AGPAT3: variants seen among roughly 807,000 people sequenced by gnomAD.
AGPAT3 encodes 1-acylglycerol-3-phosphate O-acyltransferase 3.
A neutral mutation model predicts 47.3 loss-of-function variants in AGPAT3; 5 were observed. That is an observed-to-expected ratio of 0.11 (90% CI 0.06 to 0.22). AGPAT3 has a LOEUF of 0.22. Among genes scored for constraint, AGPAT3 ranks in the 10% least tolerant of loss-of-function variants. The pLI is 1.00. For missense variants in AGPAT3, 315 were observed against 493.0 expected (o/e 0.64, Z 3.42); for synonymous variants, 212 against 208.3 (o/e 1.02, Z -0.15).
At chr21:43,973,310 G>A (rs572019747) in intron 7 of AGPAT3, among the ~76,000 whole-genome samples, 7 of 152,238 alleles carry the variant, frequency 4.6e-5, no homozygotes, top group African/African-American at 9.6e-5. Flanking sequence ...GGACGGTCCA[G>A]ATGGCAGGCT....
chr21:43,946,204 T>C (rs2087880112), intron 2 of AGPAT3, among the ~76,000 whole-genome samples: 1 of 152,252 alleles, frequency 6.6e-6, no homozygotes, highest in African/African-American at 2.4e-5. Context: ...ACGGTTTGTC[T>C]GGCTTTATTC....
rs1483811138 is a variant in AGPAT3, at chr21:43,987,260, G to C, written c.*4868G>C. ...CCACCTTCAGAGCCCACTCCCACGG[G>C]CTCTGTTTCCTTGGAGGCCATCCTG... On this transcript the variant is annotated 3_prime_UTR_variant, in exon 10 of 10. Coordinates refer to ENST00000291572, the MANE Select transcript of AGPAT3 (RefSeq NM_020132.5). Among the ~76,000 whole-genome samples, 1 of 152,184 alleles carries C rather than the reference G, an allele frequency of 6.6e-6. No individual in the cohort carries two copies. Among genetic ancestry groups the C allele is most frequent in the African/African-American group, 2.4e-5 (1 of 41,452 alleles).
Position 43,982,511 on chromosome 21 carries a change from A to G in AGPAT3, c.*119A>G. 1 of 714,972 alleles carries G rather than the reference A, an allele frequency of 1.4e-6. No homozygotes were observed. The highest frequency in any genetic ancestry group is 2.3e-6 in the Non-Finnish European group (1 of 436,294). The allele number at this position is 714,972 out of a possible 1,614,324, so 44.3% of individuals were successfully genotyped here. A position where few individuals can be genotyped will look rare whatever the true frequency, so the allele number is the denominator to read the frequency against. Reference sequence around the variant, plus strand: ...TATTTTTCTTATTAACTGGTGACTAATATTAACAAAACTTGAGCCAAGAGT... The same window carrying G: ...TATTTTTCTTATTAACTGGTGACTAGTATTAACAAAACTTGAGCCAAGAGT... On this transcript the variant is annotated 3_prime_UTR_variant, in exon 10 of 10. Coordinates refer to ENST00000291572, the MANE Select transcript of AGPAT3 (RefSeq NM_020132.5). The surrounding 1 kb of genome is among the most constrained non-coding windows in gnomAD (Gnocchi z 6.2).
rs1398287739 is a variant in AGPAT3 at position 43,955,114 on chromosome 21, A to G, written c.-48-4520A>G. On this transcript the variant is annotated intron_variant, in intron 2 of 9. Transcript: ENST00000291572. The surrounding 1 kb of genome is among the most constrained non-coding windows in gnomAD (Gnocchi z 4.1). ...GGGAGCGTATCACCGTGGCACGTCCATGCCGTGGGGGTCACTCAGCAGCCA... is the reference window on the plus strand; with the variant it reads ...GGGAGCGTATCACCGTGGCACGTCCGTGCCGTGGGGGTCACTCAGCAGCCA... 15 of 1,273,966 alleles carry G rather than the reference A, an allele frequency of 1.2e-5. No individual in the cohort carries two copies. In the East Asian group the frequency reaches 5.3e-4, roughly 45 times the overall value. 78.9% of individuals were successfully genotyped at this position (1,273,966 alleles called of 1,614,324 possible).
intron 3 of AGPAT3, among the ~76,000 whole-genome samples, chr21:43,962,481 A>T (rs533269672): frequency 3.3e-5 from 5 of 152,246 alleles, no homozygotes; most frequent in Admixed American, 2.0e-4. Context: ...CCTACTTTCT[A>T]GCAGTATTCT....
chr21:43,964,703 T>C (rs2089040707), intron 3 of AGPAT3, among the ~76,000 whole-genome samples: 1 of 152,182 alleles, frequency 6.6e-6, no homozygotes, highest in Non-Finnish European at 1.5e-5. Flanking sequence ...TGACCACAAA[T>C]ACACAAGAAA....
intron 2 of AGPAT3, among the ~76,000 whole-genome samples, chr21:43,917,804 G>GGTTGTGTTGTGGGT (rs2086768692): frequency 1.7e-5 from 2 of 120,184 alleles, no homozygotes; most frequent in South Asian, 5.4e-4. Flanking sequence ...GTATTGTGGG[G>GGTTGTGTTGTGGGT]GTTGTGTTGT....
At chr21:43,973,270 A>G (rs549283377) in intron 7 of AGPAT3, among the ~76,000 whole-genome samples, 1 of 152,340 alleles carries the variant, frequency 6.6e-6, no homozygotes, top group African/African-American at 2.4e-5. Flanking sequence ...ACTGTGGACC[A>G]TGGAGGCTGC....
intron 2 of AGPAT3, among the ~76,000 whole-genome samples, chr21:43,925,690 C>T (rs930288425): frequency 2.6e-5 from 4 of 152,350 alleles, no homozygotes; most frequent in African/African-American, 4.8e-5. Flanking sequence ...CTTGTAGCCC[C>T]GTGGCTTGTT....
intron 3 of AGPAT3, among the ~76,000 whole-genome samples, chr21:43,961,374 G>A (rs376821446): frequency 2.7e-5 from 4 of 149,452 alleles, no homozygotes; most frequent in African/African-American, 7.4e-5. Flanking sequence ...TTTGTCTCAC[G>A]TGAGAAATGG....
chr21:43,957,548 TC>T (rs1432975250), intron 2 of AGPAT3, among the ~76,000 whole-genome samples: 1 of 138,682 alleles, frequency 7.2e-6, no homozygotes, highest in Non-Finnish European at 1.5e-5. Context: ...GTCTCGGGTT[TC>T]CCCCTCCACA....
In AGPAT3 at chr21:43,922,695, A is replaced by G. The variant is rs1029463504; in HGVS notation, c.-49+18676A>G. On this transcript the variant is annotated intron_variant, in intron 2 of 9. Coordinates refer to ENST00000291572, the MANE Select transcript of AGPAT3 (RefSeq NM_020132.5). This position sits in a 1 kb window ranked among gnomAD's most constrained non-coding sequence, Gnocchi z 4.9. ...GCTCTGGGCTTCCATGGGGTCTCCC[A>G]GCTCAGGGGCTGTGGCTCAGGAGCC... 2.6e-5 allele frequency among the ~76,000 whole-genome samples: 4 copies of G among 151,860 alleles called. No homozygotes were observed. Among genetic ancestry groups the G allele is most frequent in the Non-Finnish European group, 4.4e-5 (3 of 68,002 alleles).
chr21:43,948,877 T>C (rs1345870205), intron 2 of AGPAT3, among the ~76,000 whole-genome samples: 1 of 151,934 alleles, frequency 6.6e-6, no homozygotes, highest in Non-Finnish European at 1.5e-5. Context: ...CCCCAAACAG[T>C]GGCTGCAGAT....
At chr21:43,905,154 AATATT>A (rs1365506989) in intron 2 of AGPAT3, among the ~76,000 whole-genome samples, 21 of 115,208 alleles carry the variant, frequency 1.8e-4, no homozygotes, top group Admixed American at 6.5e-4. Context: ...TTTTAAAAAA[AATATT>A]TATTTATTTA....
At chr21:43,968,181 GGGGACCCAGGGAGGGCCGGGGTGAGCA>G in intron 4 of AGPAT3, 66 bp downstream of exon 4, 1 of 1,571,428 alleles carries the variant, frequency 6.4e-7, no homozygotes, top group Non-Finnish European at 8.7e-7. Context: ...GGGGGTGAGC[GGGGACCCAGGGAGGGCCGGGGTGAGCA>G]GGGGGTCCCT....
intron 2 of AGPAT3, among the ~76,000 whole-genome samples, chr21:43,924,226 C>T (rs1035948715): frequency 2.0e-5 from 3 of 151,060 alleles, no homozygotes; most frequent in Non-Finnish European, 2.9e-5. Flanking sequence ...GGGGTTTCAC[C>T]GTGTTAGCCA....
chr21:43,958,576 G>A (rs559310687), intron 2 of AGPAT3, among the ~76,000 whole-genome samples: 1 of 151,888 alleles, frequency 6.6e-6, no homozygotes, highest in Admixed American at 6.5e-5. Context: ...TGGCGTGTGT[G>A]TGGTTTGTGG....
At chr21:43,959,570 C>G in intron 2 of AGPAT3, 64 bp from the exon 3 acceptor site, 1 of 1,473,280 alleles carries the variant, frequency 6.8e-7, no homozygotes, top group South Asian at 1.2e-5. Flanking sequence ...GAGCAGTGCC[C>G]CGGTGTTCCT....
chr21:43,865,848 GCCT>G (rs1396205279), intron 1 of AGPAT3, among the ~76,000 whole-genome samples: 1 of 152,006 alleles, frequency 6.6e-6, no homozygotes, highest in Non-Finnish European at 1.5e-5. Context: ...CCCCCCAGGG[GCCT>G]CCTCCTCGCG....
Sources: allele counts gnomAD v4.1 joint callset (sites outside exome capture counted in the v4.1 genomes callset), GRCh38; gene constraint gnomAD v4.1.1; non-coding constraint Gnocchi (gnomAD v3.1); transcripts MANE v1.5; gene names NCBI Gene and HGNC (gene_info 2026-07-23, HGNC 2026-07-21).